The following LYRM7 variants were observed in gnomAD, a reference collection of about 807,000 sequenced individuals.
The protein encoded by LYRM7 is LYR motif containing 7.
A neutral mutation model predicts 15.8 loss-of-function variants in LYRM7; 9 were observed. The ratio of observed to expected loss-of-function variants is 0.57; its 90% CI spans 0.34 to 0.99. The LOEUF (loss-of-function observed/expected upper bound fraction) is 0.99. LYRM7 is among the 50% of genes least tolerant of loss of function. The pLI, the probability that LYRM7 is intolerant of heterozygous loss-of-function variation, is 0.02. For synonymous variants in LYRM7, 39 were observed against 39.4 expected (o/e 0.99, Z 0.04); for missense variants, 115 against 119.1 (o/e 0.97, Z 0.16).
At chr5:131,185,759 C>T (rs1755787246) in intron 3 of LYRM7, among the ~76,000 whole-genome samples, 2 of 152,110 alleles carry the variant, frequency 1.3e-5, no homozygotes. Flanking sequence ...CACCACTGCA[C>T]TCCAGCCTGG....
intron 2 of LYRM7, among the ~76,000 whole-genome samples, chr5:131,181,316 T>TATATATATATATATATATATATACAC (rs1208669077): frequency 6.5e-4 from 18 of 27,634 alleles, no homozygotes; most frequent in Non-Finnish European, 1.2e-3. Context: ...TATATATATA[T>TATATATATATATATATATATATACAC]ACACACACAC....
chr5:131,199,531 AAC>A lies in LYRM7; in HGVS notation c.246_247del (p.Lys82AsnfsTer4). On this transcript the variant is annotated frameshift_variant and splice_region_variant, in exon 5 of 5. Coordinates refer to ENST00000379380, the MANE Select transcript of LYRM7 (RefSeq NM_181705.4). LOFTEE classifies it high-confidence loss of function. The stretch of plus-strand genomic sequence containing the variant: ...ATTCTCTTTTTTTTTTTTCTTTCAG[AAC>A]TGGTCCCTAGGAAAGACCTTCTTGT... 6.3e-7 allele frequency: 1 copy of A among 1,587,314 alleles called. No homozygotes were observed. The highest frequency in any genetic ancestry group is 8.6e-7 in the Non-Finnish European group (1 of 1,167,130).
At chr5:131,188,170 T>C (rs1163688666) in intron 4 of LYRM7, among the ~76,000 whole-genome samples, 5 of 151,984 alleles carry the variant, frequency 3.3e-5, no homozygotes, top group African/African-American at 1.2e-4. Context: ...GGTGGGAGGA[T>C]CACTTCAGCC....
chr5:131,193,059 G>T (rs566155234), intron 4 of LYRM7, among the ~76,000 whole-genome samples: 1 of 151,700 alleles, frequency 6.6e-6, no homozygotes, highest in South Asian at 2.1e-4. Flanking sequence ...TTCCTCTCTG[G>T]CATATATGTA....
chr5:131,172,667 G>T (rs555657798), intron 1 of LYRM7, among the ~76,000 whole-genome samples: 7 of 152,100 alleles, frequency 4.6e-5, no homozygotes, highest in Non-Finnish European at 1.0e-4. Context: ...AAGGTGACCA[G>T]TCCAACAAGG....
In LYRM7 at chr5:131,192,050, CACACACACACACACACA is replaced by C. The variant is rs1561547844; in HGVS notation, c.244+4942_244+4958del. Among the ~76,000 whole-genome samples, 12 of 123,474 alleles carry C rather than the reference CACACACACACACACACA, an allele frequency of 9.7e-5. No homozygotes were observed. In the South Asian group the frequency reaches 3.4e-3, roughly 34 times the overall value. 81.0% of individuals were successfully genotyped at this position (123,474 alleles called of 152,430 possible). On this transcript the variant is annotated intron_variant, in intron 4 of 4. Transcript: ENST00000379380. ...TGGTGCATACACACACACACACACA[CACACACACACACACACA>C]CACACACACACACAATGCAATATTA...
Position 131,199,713 on chromosome 5 carries a change from G to T in LYRM7, c.*112G>T. ...CTGAACTGGCATATTGAAAATGAATGAATTACAGAATAGCTTCATATTTAA... is the reference window on the plus strand; with the variant it reads ...CTGAACTGGCATATTGAAAATGAATTAATTACAGAATAGCTTCATATTTAA... On this transcript the variant is annotated 3_prime_UTR_variant, in exon 5 of 5. Transcript: ENST00000379380. 1.8e-6 allele frequency: 1 copy of T among 566,590 alleles called. No individual in the cohort carries two copies. Among genetic ancestry groups the T allele is most frequent in the Non-Finnish European group, 3.1e-6 (1 of 327,146 alleles). 35.1% of individuals were successfully genotyped at this position (566,590 alleles called of 1,614,324 possible).
At chr5:131,188,407 T>A (rs1386968764) in intron 4 of LYRM7, among the ~76,000 whole-genome samples, 1 of 127,398 alleles carries the variant, frequency 7.8e-6, no homozygotes, top group Non-Finnish European at 1.6e-5. Context: ...ACAAGCCACA[T>A]GTAAAAAAAA....
intron 4 of LYRM7, among the ~76,000 whole-genome samples, chr5:131,192,279 G>T (rs1280271594): frequency 6.6e-6 from 1 of 152,156 alleles, no homozygotes; most frequent in Non-Finnish European, 1.5e-5. Context: ...GCCAGGAAGG[G>T]TCAGAGGGGG....
chr5:131,200,858 A>G lies in LYRM7; in HGVS notation c.*1257A>G, dbSNP rs1341726072. Reference sequence around the variant, plus strand: ...ATATTCTATATTTTAGTGTTATTGAATATTTTATCACTGAGCTTTTTTCTT... The same window carrying G: ...ATATTCTATATTTTAGTGTTATTGAGTATTTTATCACTGAGCTTTTTTCTT... On this transcript the variant is annotated 3_prime_UTR_variant, in exon 5 of 5. Transcript: ENST00000379380. The G allele has an allele frequency of 6.6e-6, 1 of 151,972 alleles. No homozygotes were observed. The allele number at this position is 151,972 out of a possible 1,614,324, so 9.4% of individuals were successfully genotyped here.
Position 131,170,950 on chromosome 5 carries a change from G to C in LYRM7, c.-71G>C. On this transcript the variant is annotated 5_prime_UTR_variant, in exon 1 of 5. Coordinates refer to ENST00000379380, the MANE Select transcript of LYRM7 (RefSeq NM_181705.4). ...ACTACAGGGGGCTGGAAACAGTTCAGTCTTTGATTGGTTGCTGAGAGGCGG... is the reference window on the plus strand; with the variant it reads ...ACTACAGGGGGCTGGAAACAGTTCACTCTTTGATTGGTTGCTGAGAGGCGG... 3 of 1,515,926 alleles carry C rather than the reference G, an allele frequency of 2.0e-6. No homozygotes were observed. The allele number at this position is 1,515,926 out of a possible 1,614,324, so 93.9% of individuals were successfully genotyped here.
chr5:131,204,959 T>C lies in LYRM7; in HGVS notation c.*5358T>C, dbSNP rs914731832. ...GTTTAAATATTGTTTACAGTGAGTATATCAACATGTAAGTGTTAAAAGACA... is the reference window on the plus strand; with the variant it reads ...GTTTAAATATTGTTTACAGTGAGTACATCAACATGTAAGTGTTAAAAGACA... On this transcript the variant is annotated 3_prime_UTR_variant, in exon 5 of 5. Transcript: ENST00000379380. 1.3e-5 allele frequency: 2 copies of C among 152,338 alleles called. No homozygotes were observed. Among genetic ancestry groups the C allele is most frequent in the African/African-American group, 4.8e-5 (2 of 41,460 alleles). 9.4% of individuals were successfully genotyped at this position (152,338 alleles called of 1,614,324 possible).
intron 1 of LYRM7, among the ~76,000 whole-genome samples, chr5:131,178,961 CAAAA>C (rs58612746): frequency 1.6e-5 from 1 of 62,938 alleles, no homozygotes. Context: ...GACTCCGTCT[CAAAA>C]AAAAAAAAAA....
chr5:131,171,950 G>A (rs971896289), intron 1 of LYRM7, among the ~76,000 whole-genome samples: 1 of 152,152 alleles, frequency 6.6e-6, no homozygotes, highest in Admixed American at 6.5e-5. Flanking sequence ...CCAACATTTA[G>A]CCTATATTGT....
chr5:131,192,021 A>G (rs987554337), intron 4 of LYRM7, among the ~76,000 whole-genome samples: 2 of 148,870 alleles, frequency 1.3e-5, no homozygotes, highest in African/African-American at 5.0e-5. Flanking sequence ...GATTAAAAAA[A>G]ATGTGGTGCA....
chr5:131,187,899 C>T (rs1052457939), intron 4 of LYRM7, among the ~76,000 whole-genome samples: 9 of 152,148 alleles, frequency 5.9e-5, no homozygotes, highest in African/African-American at 2.2e-4. Flanking sequence ...AATCTCATTT[C>T]ACATAATATT....
In LYRM7 at chr5:131,204,490, A is replaced by C. The variant is rs1756137286; in HGVS notation, c.*4889A>C. On this transcript the variant is annotated 3_prime_UTR_variant, in exon 5 of 5. Transcript: ENST00000379380. Reference sequence around the variant, plus strand: ...GATACACACACACACACACACACACACACACACACACACACACACACACAG... The same window carrying C: ...GATACACACACACACACACACACACCCACACACACACACACACACACACAG... 6.6e-6 allele frequency: 1 copy of C among 150,468 alleles called. No homozygotes were observed. Among genetic ancestry groups the C allele is most frequent in the Non-Finnish European group, 1.5e-5 (1 of 67,484 alleles). 9.3% of individuals were successfully genotyped at this position (150,468 alleles called of 1,614,324 possible). A position where few individuals can be genotyped will look rare whatever the true frequency, so the allele number is the denominator to read the frequency against.
At chr5:131,177,903 T>C (rs1755625892) in intron 1 of LYRM7, among the ~76,000 whole-genome samples, 1 of 152,192 alleles carries the variant, frequency 6.6e-6, no homozygotes, top group Non-Finnish European at 1.5e-5. Context: ...CTCCTCAATT[T>C]CTGTTTCTGA....
At chr5:131,176,769 A>C (rs1379876856) in intron 1 of LYRM7, among the ~76,000 whole-genome samples, 1 of 152,112 alleles carries the variant, frequency 6.6e-6, no homozygotes, top group Non-Finnish European at 1.5e-5. Flanking sequence ...TCTATCCACA[A>C]AGGCGTACCC....
Sources: allele counts gnomAD v4.1 joint callset (sites outside exome capture counted in the v4.1 genomes callset), GRCh38; gene constraint gnomAD v4.1.1; transcripts MANE v1.5; gene names NCBI Gene and HGNC (gene_info 2026-07-23, HGNC 2026-07-21).